ARPP21: variants seen among roughly 807,000 people sequenced by gnomAD.
ARPP21 encodes the protein cAMP regulated phosphoprotein 21.
In ARPP21, 69 loss-of-function variants were observed where a neutral mutation model predicts 113.2. The ratio of observed to expected loss-of-function variants is 0.61; its 90% CI spans 0.50 to 0.74. The LOEUF is 0.74. Among genes scored for constraint, ARPP21 ranks in the 30% least tolerant of loss-of-function variants. ARPP21 has a pLI of 0.00. For missense variants in ARPP21, 1,070 were observed against 1,037.4 expected (o/e 1.03, Z -0.43); for synonymous variants, 368 against 375.5 (o/e 0.98, Z 0.23).
chr3:35,707,133 C>A, intron 10 of ARPP21, 51 bp downstream of exon 10: 1 of 1,378,102 alleles, frequency 7.3e-7, no homozygotes, highest in Non-Finnish European at 1.0e-6. Context: ...TGAAGGTGGG[C>A]TGACTGATGT....
At chr3:35,675,027 C>G (rs76604629) in intron 1 of ARPP21, among the ~76,000 whole-genome samples, 52 of 151,730 alleles carry the variant, frequency 3.4e-4, no homozygotes, top group Admixed American at 1.1e-3. Flanking sequence ...GATTATGTTT[C>G]CTGAACCATC....
chr3:35,755,465 A>G (rs1259109259), intron 19 of ARPP21, among the ~76,000 whole-genome samples: 3 of 151,846 alleles, frequency 2.0e-5, no homozygotes, highest in Non-Finnish European at 4.4e-5. Context: ...TGCTCATGTT[A>G]TGTTTTAGTT....
At chr3:35,717,874 G>A (rs1193713969) in intron 13 of ARPP21, among the ~76,000 whole-genome samples, 1 of 151,976 alleles carries the variant, frequency 6.6e-6, no homozygotes, top group African/African-American at 2.4e-5. Flanking sequence ...TAGGATAAGG[G>A]GATAGGATGA....
Position 35,737,359 on chromosome 3 carries a change from T to G in ARPP21, c.1641T>G (p.Thr547=). The change falls in exon 16 of 21, where the codon ACT becomes ACG. Residue 547 remains threonine (T), a synonymous_variant. Transcript: ENST00000684406. The stretch of plus-strand genomic sequence containing the variant: ...CACAGATGGCAGGCCCTCTGGTCAC[T>G]CAGGTAGGGGGCTGGTTGGAAGGCA... ...PQPQMAGPLV[T]QSVQGLQASS... is the part of the protein sequence containing the mutation. 6.2e-7 allele frequency: 1 copy of G among 1,605,214 alleles called. No individual in the cohort carries two copies.
intron 19 of ARPP21, among the ~76,000 whole-genome samples, chr3:35,753,580 T>C (rs2095474036): frequency 6.6e-6 from 1 of 152,008 alleles, no homozygotes; most frequent in East Asian, 1.9e-4. Context: ...GAATGAATAA[T>C]AGTGGAATGG....
chr3:35,766,024 TG>T (rs1214225682), intron 19 of ARPP21, among the ~76,000 whole-genome samples: 1 of 152,158 alleles, frequency 6.6e-6, no homozygotes, highest in African/African-American at 2.4e-5. Flanking sequence ...ATGTAGAGCC[TG>T]TACAAGAAAT....
At chr3:35,734,620 T>C (rs930923464) in intron 15 of ARPP21, among the ~76,000 whole-genome samples, 1 of 152,342 alleles carries the variant, frequency 6.6e-6, no homozygotes, top group East Asian at 1.9e-4. Context: ...TTCTTGTTAC[T>C]AACACACAAA....
rs1248693869 is a variant in ARPP21, at chr3:35,662,151, G to T, written c.-212-17636G>T. Among the ~76,000 whole-genome samples the T allele has an allele frequency of 2.0e-5, 3 of 152,008 alleles. No homozygotes were observed. The East Asian group carries it at 5.8e-4, about 29-fold the overall frequency. On this transcript the variant is annotated intron_variant, in intron 1 of 20. Coordinates refer to ENST00000684406, the MANE Select transcript of ARPP21 (RefSeq NM_001385562.1). ...CATTGGAAAGAATCATAGTGTGTGTGGTTTATTTTTAAGCATTAAATATGT... is the reference window on the plus strand; with the variant it reads ...CATTGGAAAGAATCATAGTGTGTGTTGTTTATTTTTAAGCATTAAATATGT...
In ARPP21 at chr3:35,648,077, A is replaced by G. The variant is rs75877317; in HGVS notation, c.-213+7679A>G. ...CAGCTCTCCTTCATTGCTATCCCAT[A>G]ATGTTTCTGATGGTTAAAATTGGTG... On this transcript the variant is annotated intron_variant, in intron 1 of 20. Coordinates refer to ENST00000684406, the MANE Select transcript of ARPP21 (RefSeq NM_001385562.1). Among the ~76,000 whole-genome samples the G allele has an allele frequency of 1.3e-4, 20 of 152,278 alleles. No homozygotes were observed. In the East Asian group the frequency reaches 3.7e-3, roughly 28 times the overall value.
chr3:35,748,175 AAAAG>A (rs202024890), intron 19 of ARPP21, among the ~76,000 whole-genome samples: 45,187 of 131,720 alleles, frequency 0.34, 9,455 homozygotes, highest in African/African-American at 0.58. Context: ...AACAGAAAAG[AAAAG>A]AAAGAAAGAA....
At chr3:35,769,698 A>G (rs1370899459) in intron 19 of ARPP21, among the ~76,000 whole-genome samples, 1 of 152,160 alleles carries the variant, frequency 6.6e-6, no homozygotes, top group Non-Finnish European at 1.5e-5. Context: ...TCGCTAGGCT[A>G]ACACTATCTC....
intron 1 of ARPP21, among the ~76,000 whole-genome samples, chr3:35,673,666 C>G (rs1476215407): frequency 6.6e-6 from 1 of 151,930 alleles, no homozygotes; most frequent in East Asian, 1.9e-4. Flanking sequence ...AAAATAACAA[C>G]TTAGCAATTT....
At chr3:35,682,757 T>C (rs1481165799) in intron 3 of ARPP21, 91 bp from the exon 4 acceptor site, 1 of 1,169,136 alleles carries the variant, frequency 8.6e-7, no homozygotes, top group Non-Finnish European at 1.2e-6. Flanking sequence ...CATTTTTCTC[T>C]CTTTCTTTCT....
intron 16 of ARPP21, 63 bp from the exon 17 acceptor site, chr3:35,738,151 C>A: frequency 9.9e-7 from 1 of 1,007,572 alleles, no homozygotes; most frequent in Non-Finnish European, 1.5e-6. Flanking sequence ...CAGTGGTGTG[C>A]ATCTTGTGAG....
intron 15 of ARPP21, among the ~76,000 whole-genome samples, chr3:35,731,027 A>T (rs2093920467): frequency 6.6e-6 from 1 of 152,206 alleles, no homozygotes; most frequent in African/African-American, 2.4e-5. Context: ...CATATTCTTT[A>T]CTTTGGGCAC....
intron 9 of ARPP21, among the ~76,000 whole-genome samples, chr3:35,700,845 T>A (rs1052481936): frequency 1.3e-5 from 2 of 151,746 alleles, no homozygotes; most frequent in African/African-American, 4.8e-5. Flanking sequence ...TTACTTTTTT[T>A]ATTATACTTT....
At position 35,729,384 on chromosome 3, in the gene ARPP21, C is replaced by T; in HGVS notation, c.1307C>T (p.Ser436Leu). ...HPPLQSTPLV[S>L]GVAAGSPGCV... ...CCTCTCCAGAGCACACCCCTAGTCT[C>T]AGGTGTGGCAGCTGGCTCTCCAGGC... The change falls in exon 15 of 21, where the codon TCA becomes TTA. Residue 436 changes from serine to leucine, a missense_variant. By Grantham distance (145) the Ser-to-Leu change is moderately radical (BLOSUM62 -2). Coordinates refer to ENST00000684406, the MANE Select transcript of ARPP21 (RefSeq NM_001385562.1). 1 of 1,614,192 alleles carries T rather than the reference C, an allele frequency of 6.2e-7. No homozygotes were observed. Among genetic ancestry groups the T allele is most frequent in the Non-Finnish European group, 8.5e-7 (1 of 1,180,032 alleles).
chr3:35,739,439 G>A lies in ARPP21; in HGVS notation c.1872G>A (p.Gln624=). The change falls in exon 18 of 21, where the codon CAG becomes CAA. Residue 624 remains glutamine (Q), a synonymous_variant. Coordinates refer to ENST00000684406, the MANE Select transcript of ARPP21 (RefSeq NM_001385562.1). ...CCCTTATGCCACAGCCGGCCCAGCA[G>A]CCCAGCTATGTAATCGCCTCTACAG... is the stretch of plus-strand genomic sequence containing the variant. ...PSSLMPQPAQ[Q]PSYVIASTGQ... is the part of the protein sequence containing the mutation. 6.2e-7 allele frequency: 1 copy of A among 1,614,152 alleles called. No homozygotes were observed. The highest frequency in any genetic ancestry group is 8.5e-7 in the Non-Finnish European group (1 of 1,180,046).
At chr3:35,747,373 A>AG (rs2150971335) in intron 19 of ARPP21, among the ~76,000 whole-genome samples, 1 of 151,928 alleles carries the variant, frequency 6.6e-6, no homozygotes, top group African/African-American at 2.4e-5. Flanking sequence ...AAAAAAAAAA[A>AG]AAAAAGAACA....
Sources: gnomAD v4.1 joint callset for allele counts (sites outside exome capture counted in the v4.1 genomes callset) on GRCh38, gnomAD v4.1.1 for gene constraint, MANE v1.5 for transcripts, NCBI Gene and HGNC (gene_info 2026-07-23, HGNC 2026-07-21) for gene names.